The following SH2D3C variants were observed in gnomAD, a reference collection of about 807,000 sequenced individuals.
SH2D3C encodes SH2 domain-containing protein 3C.
SH2D3C carries 25 observed loss-of-function variants against 75.2 expected under a neutral mutation model. The observed-to-expected ratio is 0.33, with a 90% confidence interval of 0.24 to 0.46. The LOEUF is 0.46. Among genes scored for constraint, SH2D3C ranks in the 20% least tolerant of loss-of-function variants. The probability of loss-of-function intolerance (pLI) is 1.00; values close to 1 mark genes in which losing one functional copy is unlikely to be tolerated. For missense variants in SH2D3C, 933 were observed against 1,165.3 expected (o/e 0.80, Z 2.90); for synonymous variants, 450 against 473.7 (o/e 0.95, Z 0.65).
intron 2 of SH2D3C, 31 bp from the exon 3 acceptor site, chr9:127,761,681 C>T (rs748920143): frequency 6.8e-5 from 109 of 1,601,692 alleles, no homozygotes; most frequent in Non-Finnish European, 6.8e-6. Flanking sequence ...TGAGCATCCC[C>T]AGCCCTGCTT....
chr9:127,760,896 T>C (rs1845509789), intron 3 of SH2D3C, among the ~76,000 whole-genome samples: 1 of 152,126 alleles, frequency 6.6e-6, no homozygotes, highest in African/African-American at 2.4e-5. Flanking sequence ...TGGAGTGCAG[T>C]GGCGCAAATC....
Position 127,742,784 on chromosome 9 carries a change from C to G in SH2D3C, c.1916+65G>C. The G allele has an allele frequency of 5.4e-6, 7 of 1,307,594 alleles. No individual in the cohort carries two copies. The South Asian group carries it at 8.1e-5, about 15-fold the overall frequency. 81.0% of individuals were successfully genotyped at this position (1,307,594 alleles called of 1,614,324 possible). A position where few individuals can be genotyped will look rare whatever the true frequency, so the allele number is the denominator to read the frequency against. ...GAGGCTGTGATTGGCCAACCCGCCC[C>G]GTCCAGCGGGGAGTGCGGTAGCCGG... On this transcript the variant is annotated intron_variant, in intron 8 of 11. Coordinates refer to ENST00000314830, the MANE Select transcript of SH2D3C (RefSeq NM_170600.3).
At chr9:127,746,328 G>A (rs1845029089) in intron 6 of SH2D3C, among the ~76,000 whole-genome samples, 2 of 152,152 alleles carry the variant, frequency 1.3e-5, no homozygotes, top group African/African-American at 4.8e-5. Flanking sequence ...GTGACACTTG[G>A]CCTGCCACGT....
At chr9:127,765,024 T>G (rs1025700861) in intron 2 of SH2D3C, among the ~76,000 whole-genome samples, 1 of 152,052 alleles carries the variant, frequency 6.6e-6, no homozygotes, top group Non-Finnish European at 1.5e-5. Context: ...CAGTTCTTTT[T>G]TTTTGAGACA....
chr9:127,755,162 TG>T, intron 3 of SH2D3C: 1 of 1,216,526 alleles, frequency 8.2e-7, no homozygotes, highest in Non-Finnish European at 1.0e-6. Context: ...TCGGTCATGG[TG>T]GGGCCAGGCT....
intron 2 of SH2D3C, chr9:127,762,309 C>G (rs899600374): frequency 1.4e-4 from 175 of 1,293,538 alleles, no homozygotes; most frequent in Non-Finnish European, 1.6e-4. Context: ...ACCACTCCCC[C>G]CACCGCATGG....
rs565633526 is a variant in SH2D3C, at chr9:127,754,456, G to A, written c.556-3156C>T. On this transcript the variant is annotated intron_variant, in intron 3 of 11. Transcript: ENST00000314830. The surrounding 1 kb of genome is among the most constrained non-coding windows in gnomAD (Gnocchi z 4.4). Reference sequence around the variant, plus strand: ...CAAAGCCATCCCCAAAGGATGCTCCGCAGAGAGGCGGGGTCCGGGTCCTCC... The same window carrying A: ...CAAAGCCATCCCCAAAGGATGCTCCACAGAGAGGCGGGGTCCGGGTCCTCC... Among the ~76,000 whole-genome samples, 2 of 152,228 alleles carry A rather than the reference G, an allele frequency of 1.3e-5. No individual in the cohort carries two copies. The highest frequency in any genetic ancestry group is 2.4e-5 in the African/African-American group (1 of 41,542).
chr9:127,755,100 G>T, intron 3 of SH2D3C: 1 of 1,215,658 alleles, frequency 8.2e-7, no homozygotes, highest in Non-Finnish European at 1.0e-6. Flanking sequence ...CGAAGGAGCC[G>T]CGGTAGAAGC....
At position 127,754,267 on chromosome 9, in the gene SH2D3C, C is replaced by G. The variant is rs1845289514; in HGVS notation, c.556-2967G>C. Among the ~76,000 whole-genome samples the G allele has an allele frequency of 6.6e-6, 1 of 152,116 alleles. No homozygotes were observed. The highest frequency in any genetic ancestry group is 1.5e-5 in the Non-Finnish European group (1 of 67,984). ...GCGGGGCAGTCCTTCAGGCGGGCTC[C>G]GCGAGCGTGTGTGAGCCTGGGGGAG... On this transcript the variant is annotated intron_variant, in intron 3 of 11. Coordinates refer to ENST00000314830, the MANE Select transcript of SH2D3C (RefSeq NM_170600.3). This position sits in a 1 kb window ranked among gnomAD's most constrained non-coding sequence, Gnocchi z 4.4.
At chr9:127,756,301 C>CAAAAAG (rs973929364) in intron 3 of SH2D3C, among the ~76,000 whole-genome samples, 6 of 152,164 alleles carry the variant, frequency 3.9e-5, no homozygotes, top group South Asian at 2.1e-4. Context: ...GACTCTGTCT[C>CAAAAAG]AAAAAGAAAA....
chr9:127,752,985 G>A (rs917310789), intron 3 of SH2D3C, among the ~76,000 whole-genome samples: 16 of 152,142 alleles, frequency 1.1e-4, no homozygotes, highest in Admixed American at 5.2e-4. Flanking sequence ...AGGTGGACAG[G>A]TGGACAGGGA....
At position 127,769,596 on chromosome 9, in the gene SH2D3C, C is replaced by A. The variant is rs548459928; in HGVS notation, c.515+4394G>T. Among the ~76,000 whole-genome samples the A allele has an allele frequency of 1.2e-4, 18 of 148,742 alleles. No homozygotes were observed. In the South Asian group the frequency reaches 1.5e-3, roughly 12 times the overall value. ...GCTTGAACCCAGGAGGCGGAGGTTGCGGTCAGCCGAGATCACACCATTGCA... is the reference window on the plus strand; with the variant it reads ...GCTTGAACCCAGGAGGCGGAGGTTGAGGTCAGCCGAGATCACACCATTGCA... On this transcript the variant is annotated intron_variant, in intron 2 of 11. Transcript: ENST00000314830.
In SH2D3C at chr9:127,754,837, G is replaced by T. The variant is rs780414239; in HGVS notation, c.556-3537C>A. The T allele has an allele frequency of 2.0e-6, 1 of 492,988 alleles. No homozygotes were observed. Among genetic ancestry groups the T allele is most frequent in the African/African-American group, 2.0e-5 (1 of 50,372 alleles). 30.5% of individuals were successfully genotyped at this position (492,988 alleles called of 1,614,324 possible). On this transcript the variant is annotated intron_variant, in intron 3 of 11. Coordinates refer to ENST00000314830, the MANE Select transcript of SH2D3C (RefSeq NM_170600.3). This position sits in a 1 kb window ranked among gnomAD's most constrained non-coding sequence, Gnocchi z 4.4. Reference sequence around the variant, plus strand: ...CCTGCGGAGGAGGCAGAAACGGACCGGCATCTACCGCAGCCCAGAGTCCCA... The same window carrying T: ...CCTGCGGAGGAGGCAGAAACGGACCTGCATCTACCGCAGCCCAGAGTCCCA...
At chr9:127,753,778 C>T (rs910383886) in intron 3 of SH2D3C, among the ~76,000 whole-genome samples, 1 of 152,244 alleles carries the variant, frequency 6.6e-6, no homozygotes, top group Non-Finnish European at 1.5e-5. Context: ...CTTCTGGCGT[C>T]CTCCTTGACA....
chr9:127,778,462 A>G (rs1829078665), intron 1 of SH2D3C, 129 bp downstream of exon 1: 1 of 850,102 alleles, frequency 1.2e-6, no homozygotes, highest in Non-Finnish European at 2.0e-6. Flanking sequence ...CCAAAAGCAA[A>G]AAACAAAAAA....
At chr9:127,741,391 C>T (rs961293995) in intron 9 of SH2D3C, among the ~76,000 whole-genome samples, 1 of 151,840 alleles carries the variant, frequency 6.6e-6, no homozygotes, top group Non-Finnish European at 1.5e-5. Flanking sequence ...CAGGTGCGCA[C>T]CACCACGCCC....
intron 3 of SH2D3C, chr9:127,755,003 T>G (rs1845328865): frequency 2.1e-5 from 15 of 717,292 alleles, no homozygotes; most frequent in East Asian, 5.8e-5. Flanking sequence ...GCTCCCCGGC[T>G]GGCTCTAGGG....
intron 7 of SH2D3C, 29 bp from the exon 8 acceptor site, chr9:127,742,993 T>C (rs750910877): frequency 1.9e-5 from 29 of 1,557,202 alleles, no homozygotes; most frequent in Non-Finnish European, 2.4e-5. Flanking sequence ...GGCTGATTAA[T>C]ATCCTGTCAG....
chr9:127,776,127 C>T (rs534153623), intron 1 of SH2D3C, among the ~76,000 whole-genome samples: 18 of 152,136 alleles, frequency 1.2e-4, no homozygotes, highest in African/African-American at 9.7e-5. Flanking sequence ...CCGTGCCTGG[C>T]CACTAATAAT....
Sources: gnomAD v4.1 joint callset for allele counts (sites outside exome capture counted in the v4.1 genomes callset) on GRCh38, gnomAD v4.1.1 for gene constraint, Gnocchi (gnomAD v3.1) non-coding constraint, MANE v1.5 for transcripts, NCBI Gene and HGNC (gene_info 2026-07-23, HGNC 2026-07-21) for gene names.